The following GTF3C1 variants were observed in gnomAD, a reference collection of about 807,000 sequenced individuals.
GTF3C1 encodes the protein general transcription factor 3C polypeptide 1.
In GTF3C1, 57 loss-of-function variants were observed where a neutral mutation model predicts 226.7. The ratio of observed to expected loss-of-function variants is 0.25; its 90% CI spans 0.20 to 0.31. GTF3C1 has a LOEUF of 0.31. Ranked by LOEUF, GTF3C1 falls within the 10% of genes least tolerant of loss-of-function variation. GTF3C1 has a pLI of 1.00. For missense variants in GTF3C1, 2,217 were observed against 2,776.1 expected, an observed-to-expected ratio of 0.80 and a Z score of 4.53; for synonymous variants, 1,090 against 1,084.8, an observed-to-expected ratio of 1.00 and a Z score of -0.09.
chr16:27,479,547 C>T (rs1446723135), intron 27 of GTF3C1, among the ~76,000 whole-genome samples: 1 of 152,178 alleles, frequency 6.6e-6, no homozygotes, highest in Non-Finnish European at 1.5e-5. Flanking sequence ...AACGTGAAAA[C>T]CACCTCTGCT....
chr16:27,483,385 T>A (rs1259775991), intron 25 of GTF3C1: 4 of 601,956 alleles, frequency 6.6e-6, no homozygotes, highest in Non-Finnish European at 1.2e-5. Context: ...GAACACTGAG[T>A]CCCAAACTGT....
In GTF3C1 at chr16:27,530,260, G is replaced by C. The variant is rs189335026; in HGVS notation, c.850-1539C>G. On this transcript the variant is annotated intron_variant, in intron 5 of 36. Transcript: ENST00000356183. ...AAACAATACAGATGACTCACATATGGCTCATTCAAAGCCACTGGCTTGTAC... is the reference window on the plus strand; with the variant it reads ...AAACAATACAGATGACTCACATATGCCTCATTCAAAGCCACTGGCTTGTAC... Among the ~76,000 whole-genome samples the C allele has an allele frequency of 5.0e-4, 76 of 152,284 alleles. 1 individual carries two copies. The highest frequency in any genetic ancestry group is 1.8e-3 in the African/African-American group (74 of 41,548).
chr16:27,524,050 G>A (rs1395918542), intron 6 of GTF3C1, among the ~76,000 whole-genome samples: 2 of 152,140 alleles, frequency 1.3e-5, no homozygotes, highest in Non-Finnish European at 2.9e-5. Flanking sequence ...TCAAGATGAT[G>A]GAAACCACTC....
Position 27,481,173 on chromosome 16 carries a change from T to G in GTF3C1, c.4102A>C (p.Lys1368Gln), listed in dbSNP as rs1416077769. 1 of 1,614,170 alleles carries G rather than the reference T, an allele frequency of 6.2e-7. No homozygotes were observed. The highest frequency in any genetic ancestry group is 1.1e-5 in the South Asian group (1 of 91,086). ...DDPKVCANEF[K>Q]EFVEKLKEKF... ...TCTTTAAGCTTCTCCACAAATTCTT[T>G]AAACTCGTTGGCACAAACCTTTCAA... is the stretch of plus-strand genomic sequence containing the variant. The change falls in exon 27 of 37, where the codon AAA becomes CAA. Residue 1368 changes from lysine to glutamine, a missense_variant. Lys to Gln is a moderately conservative substitution (Grantham distance 53). This residue lies in a region of GTF3C1 where 546 missense variants were observed against 663.0 expected (regional missense o/e 0.82). Coordinates refer to ENST00000356183, the MANE Select transcript of GTF3C1 (RefSeq NM_001520.4).
intron 6 of GTF3C1, among the ~76,000 whole-genome samples, chr16:27,515,909 C>T (rs2088651822): frequency 6.6e-6 from 1 of 152,214 alleles, no homozygotes; most frequent in African/African-American, 2.4e-5. Flanking sequence ...CCCACAACCC[C>T]AAGGCAGGCA....
chr16:27,465,610 C>T (rs2087775886), intron 32 of GTF3C1, 70 bp from the exon 33 acceptor site: 2 of 1,250,026 alleles, frequency 1.6e-6, no homozygotes, highest in Non-Finnish European at 2.2e-6. Context: ...ATGCACAGGC[C>T]ACACCCAGGA....
At chr16:27,547,539 G>A (rs1472318385) in intron 1 of GTF3C1, among the ~76,000 whole-genome samples, 1 of 152,002 alleles carries the variant, frequency 6.6e-6, no homozygotes, top group Non-Finnish European at 1.5e-5. Flanking sequence ...GACTGCCTGT[G>A]CTCTTCATCC....
chr16:27,513,229 G>GGATCACTTGAGCCCAGGA (rs1212285939), intron 6 of GTF3C1, among the ~76,000 whole-genome samples: 1 of 152,166 alleles, frequency 6.6e-6, no homozygotes, highest in Non-Finnish European at 1.5e-5. Flanking sequence ...AAAGCGGGGA[G>GGATCACTTGAGCCCAGGA]GATCACTTGA....
intron 1 of GTF3C1, among the ~76,000 whole-genome samples, chr16:27,547,721 T>C (rs2089185644): frequency 6.6e-6 from 1 of 152,242 alleles, no homozygotes; most frequent in Non-Finnish European, 1.5e-5. Flanking sequence ...TGGAGTGCAG[T>C]GGCACAATCT....
At position 27,484,109 on chromosome 16, in the gene GTF3C1, T is replaced by A; in HGVS notation, c.4001+102A>T. On this transcript the variant is annotated intron_variant, in intron 25 of 36. Transcript: ENST00000356183. Reference sequence around the variant, plus strand: ...CAGACTCCAACACTTGGCCAGCCCATCAGACACCTCAGTGTGCTCCAGCCA... The same window carrying A: ...CAGACTCCAACACTTGGCCAGCCCAACAGACACCTCAGTGTGCTCCAGCCA... 5.7e-6 allele frequency: 5 copies of A among 873,376 alleles called. No individual in the cohort carries two copies. In the Admixed American group the frequency reaches 9.2e-5, roughly 16 times the overall value. The allele number at this position is 873,376 out of a possible 1,614,324, so 54.1% of individuals were successfully genotyped here. A position where few individuals can be genotyped will look rare whatever the true frequency, so the allele number is the denominator to read the frequency against.
At chr16:27,519,752 G>A (rs1300359754) in intron 6 of GTF3C1, among the ~76,000 whole-genome samples, 1 of 152,076 alleles carries the variant, frequency 6.6e-6, no homozygotes, top group East Asian at 1.9e-4. Context: ...AGGAAAGAAA[G>A]GAAAGAGAGA....
Position 27,471,913 on chromosome 16 carries a change from C to T in GTF3C1, c.4361G>A (p.Arg1454His), listed in dbSNP as rs776900039. The T allele has an allele frequency of 5.0e-6, 8 of 1,614,042 alleles. No individual in the cohort carries two copies. The Admixed American group carries it at 5.0e-5, about 10-fold the overall frequency. The part of the protein sequence containing the change: ...MKSYQSFQTF[R>H]LYREYKDHVL... ...GTGGTCCTTGTACTCCCGATAGAGG[C>T]GGAAAGTCTGCAACACAGGGCGGCG... The change falls in exon 30 of 37, where the codon CGC becomes CAC. Residue 1454 changes from arginine to histidine, a missense_variant. Arg to His is a conservative substitution (Grantham distance 29). Around this residue, in one of 12 missense-constraint regions of GTF3C1, gnomAD observed 546 missense variants for 663.0 expected, o/e 0.82. Coordinates refer to ENST00000356183, the MANE Select transcript of GTF3C1 (RefSeq NM_001520.4). The surrounding 1 kb of genome is among the most constrained non-coding windows in gnomAD (Gnocchi z 5.0).
intron 10 of GTF3C1, among the ~76,000 whole-genome samples, 158 bp downstream of exon 10, chr16:27,505,741 T>C (rs990341552): frequency 3.3e-5 from 5 of 152,182 alleles, no homozygotes; most frequent in Non-Finnish European, 7.3e-5. Context: ...GGTGTGTAGA[T>C]AAGCACAGAG....
chr16:27,475,517 C>A (rs187233733), intron 29 of GTF3C1, among the ~76,000 whole-genome samples: 1 of 152,240 alleles, frequency 6.6e-6, no homozygotes, highest in East Asian at 1.9e-4. Context: ...CTGGGCAGCA[C>A]TGGCAGGGGA....
intron 15 of GTF3C1, 57 bp downstream of exon 15, chr16:27,495,154 T>C (rs1443899192): frequency 6.1e-6 from 8 of 1,303,530 alleles, no homozygotes; most frequent in Non-Finnish European, 1.1e-6. Flanking sequence ...TGTTTCTCCC[T>C]GGATCCTACT....
intron 23 of GTF3C1, among the ~76,000 whole-genome samples, chr16:27,487,632 A>G (rs113594643): frequency 0.017 from 2,515 of 152,246 alleles, 67 homozygotes; most frequent in African/African-American, 0.057. Flanking sequence ...CGTCTCTACT[A>G]AAAATATAAA....
rs748724758 is a variant in GTF3C1 at position 27,488,695 on chromosome 16, A to C, written c.3430-60T>G. On this transcript the variant is annotated intron_variant, in intron 21 of 36. Transcript: ENST00000356183. Reference sequence around the variant, plus strand: ...AGCTTCCACAAATCCCCAGCCGCCCAGAGTAACAAATGCACCGAGGTCTCT... The same window carrying C: ...AGCTTCCACAAATCCCCAGCCGCCCCGAGTAACAAATGCACCGAGGTCTCT... 6.0e-5 allele frequency: 84 copies of C among 1,391,782 alleles called. 1 individual carries two copies. Among genetic ancestry groups the C allele is most frequent in the Non-Finnish European group, 8.3e-5 (82 of 986,750 alleles). The allele number at this position is 1,391,782 out of a possible 1,614,324, so 86.2% of individuals were successfully genotyped here.
rs745730934 is a variant in GTF3C1 at position 27,461,550 on chromosome 16, G to C, written c.6130C>G (p.Leu2044Val). The change falls in exon 37 of 37, where the codon CTC (leucine) becomes GTC (valine). Residue 2044 changes from leucine to valine, a missense_variant. This residue lies in a region of GTF3C1 where 153 missense variants were observed against 199.8 expected (regional missense o/e 0.77). Coordinates refer to ENST00000356183, the MANE Select transcript of GTF3C1 (RefSeq NM_001520.4). This position sits in a 1 kb window ranked among gnomAD's most constrained non-coding sequence, Gnocchi z 5.3. Reference sequence around the variant, plus strand: ...AGCCAGCGCTTCCGGATGCAGCCGAGGGACTCCAGGCCCTGGAGACACCAG... The same window carrying C: ...AGCCAGCGCTTCCGGATGCAGCCGACGGACTCCAGGCCCTGGAGACACCAG... ...VLELLQGLESLGCIRKRWLRK... is the reference protein window; with the variant it reads ...VLELLQGLESVGCIRKRWLRK... The C allele has an allele frequency of 9.3e-6, 15 of 1,613,056 alleles. No homozygotes were observed. Among genetic ancestry groups the C allele is most frequent in the Non-Finnish European group, 1.3e-5 (15 of 1,179,424 alleles).
chr16:27,487,280 C>A (rs2088156206), intron 23 of GTF3C1, among the ~76,000 whole-genome samples: 1 of 152,230 alleles, frequency 6.6e-6, no homozygotes, highest in Non-Finnish European at 1.5e-5. Flanking sequence ...AAATAAACCA[C>A]TAAAAACAGG....
Sources: gnomAD v4.1 joint callset for allele counts (sites outside exome capture counted in the v4.1 genomes callset) on GRCh38, gnomAD v4.1.1 for gene constraint, gnomAD v4.1.1 regional missense constraint, Gnocchi (gnomAD v3.1) non-coding constraint, MANE v1.5 for transcripts, NCBI Gene and HGNC (gene_info 2026-07-23, HGNC 2026-07-21) for gene names.